HMGN5: variants seen among roughly 807,000 people sequenced by gnomAD.
The protein encoded by HMGN5 is high mobility group nucleosome binding domain 5.
A neutral mutation model predicts 9.5 loss-of-function variants in HMGN5; 4 were observed. The ratio of observed to expected loss-of-function variants is 0.42; its 90% confidence interval spans 0.21 to 0.96. HMGN5 has a LOEUF of 0.96. Ranked by LOEUF, HMGN5 falls within the 40% of genes least tolerant of loss-of-function variation. The pLI is 0.30. For missense variants in HMGN5, 192 were observed against 187.5 expected (o/e 1.02, Z -0.14); for synonymous variants, 55 against 57.1 (o/e 0.96, Z 0.16).
At chrX:81,141,246 G>A (rs764756476) in intron 1 of HMGN5, among the ~76,000 whole-genome samples, 22 of 111,886 alleles carry the variant, frequency 2.0e-4, no homozygotes, top group Non-Finnish European at 3.4e-4. Flanking sequence ...TCTTCACCCT[G>A]CAGGGAAGGA....
rs758173306 is a variant in HMGN5 at position 81,196,843 on chromosome X, C to T, written c.-124+4894G>A. On this transcript the variant is annotated intron_variant, in intron 1 of 6. Transcript: ENST00000358130. The stretch of plus-strand genomic sequence containing the variant: ...GCGTGAGCCACTGTGCCCAGCTGAT[C>T]TCATGGTTTTATAAGGAGCTCTTCC... Among the ~76,000 whole-genome samples the T allele has an allele frequency of 2.7e-5, 3 of 111,073 alleles. No individual in the cohort carries two copies. The South Asian group carries it at 1.1e-3, about 43-fold the overall frequency.
At chrX:81,150,292 G>A (rs759712125) in intron 1 of HMGN5, among the ~76,000 whole-genome samples, 8 of 111,879 alleles carry the variant, frequency 7.2e-5, no homozygotes, top group South Asian at 3.7e-4. Flanking sequence ...TGCTGGGTGC[G>A]GTGGCTCACA....
At chrX:81,177,713 C>A (rs1250931693) in intron 1 of HMGN5, among the ~76,000 whole-genome samples, 1 of 111,118 alleles carries the variant, frequency 9.0e-6, no homozygotes, top group Non-Finnish European at 1.9e-5. Context: ...ACCAAGCAGA[C>A]CTAATAGACA....
At chrX:81,151,720 G>A (rs28821207) in intron 1 of HMGN5, among the ~76,000 whole-genome samples, 42,475 of 109,047 alleles carry the variant, frequency 0.39, 8,129 homozygotes, top group Non-Finnish European at 0.57. Context: ...ATTGTGAATG[G>A]GAGTTCACTC....
intron 1 of HMGN5, among the ~76,000 whole-genome samples, chrX:81,189,842 C>T (rs753659684): frequency 1.8e-5 from 2 of 112,142 alleles, no homozygotes; most frequent in Admixed American, 9.4e-5. Context: ...TTTGCATTTC[C>T]ACCAGCAATG....
At chrX:81,143,404 T>C (rs753951229) in intron 1 of HMGN5, among the ~76,000 whole-genome samples, 15 of 112,387 alleles carry the variant, frequency 1.3e-4, no homozygotes, top group Admixed American at 1.3e-3. Context: ...GGAACAGCTC[T>C]TGTCTGCAGT....
chrX:81,159,229 A>G (rs549541870), intron 1 of HMGN5, among the ~76,000 whole-genome samples: 11 of 110,271 alleles, frequency 1.0e-4, no homozygotes, highest in African/African-American at 3.6e-4. Flanking sequence ...ACTGGGGCCT[A>G]TTGGGGGATA....
intron 1 of HMGN5, among the ~76,000 whole-genome samples, chrX:81,182,354 G>T (rs186184860): frequency 4.3e-4 from 48 of 111,964 alleles, no homozygotes; most frequent in African/African-American, 1.6e-3. Flanking sequence ...TAAATTCCTT[G>T]TCAGATGGTG....
intron 1 of HMGN5, among the ~76,000 whole-genome samples, chrX:81,152,815 A>C (rs1423389559): frequency 2.7e-5 from 3 of 109,479 alleles, no homozygotes; most frequent in Non-Finnish European, 5.7e-5. Flanking sequence ...CTATGCAGCC[A>C]TAAAAAATGA....
intron 1 of HMGN5, among the ~76,000 whole-genome samples, chrX:81,137,200 T>C (rs757244788): frequency 3.6e-5 from 4 of 111,155 alleles, no homozygotes; most frequent in Non-Finnish European, 7.6e-5. Context: ...ATCAAAGATA[T>C]AAAGGAGCTG....
intron 1 of HMGN5, among the ~76,000 whole-genome samples, chrX:81,199,972 T>C (rs2075520626): frequency 8.9e-6 from 1 of 111,940 alleles, no homozygotes; most frequent in Non-Finnish European, 1.9e-5. Context: ...TTTTGCAATC[T>C]ACTCATCTGA....
intron 1 of HMGN5, among the ~76,000 whole-genome samples, chrX:81,189,437 A>G (rs1221857494): frequency 8.9e-6 from 1 of 112,091 alleles, no homozygotes; most frequent in Non-Finnish European, 1.9e-5. Context: ...TACTGTATCC[A>G]TAGTTTTGCC....
At chrX:81,147,230 C>T (rs1206115726) in intron 1 of HMGN5, among the ~76,000 whole-genome samples, 14 of 111,581 alleles carry the variant, frequency 1.3e-4, no homozygotes, top group African/African-American at 4.2e-4. Flanking sequence ...TAGTGAACAT[C>T]AATGCAAAAA....
chrX:81,196,472 T>C (rs2075508489), intron 1 of HMGN5, among the ~76,000 whole-genome samples: 1 of 110,064 alleles, frequency 9.1e-6, no homozygotes, highest in South Asian at 4.0e-4. Context: ...ATCATGGGGG[T>C]GGTTTCCCCC....
At position 81,149,302 on chromosome X, in the gene HMGN5, A is replaced by C. The variant is rs142332195; in HGVS notation, c.-123-27630T>G. On this transcript the variant is annotated intron_variant, in intron 1 of 6. Transcript: ENST00000358130. ...ACCATGGAATTCTATGCAGCCATAA[A>C]AAAGGATGAGTTCATGTCCTTTGCA... Among the ~76,000 whole-genome samples, 144 of 111,891 alleles carry C rather than the reference A, an allele frequency of 1.3e-3. 3 individuals carry two copies. In the East Asian group the frequency reaches 0.039, roughly 30 times the overall value.
At chrX:81,150,418 A>T (rs2147561460) in intron 1 of HMGN5, among the ~76,000 whole-genome samples, 1 of 110,648 alleles carries the variant, frequency 9.0e-6, no homozygotes, top group African/African-American at 3.3e-5. Context: ...ACAAAAAATT[A>T]GCTGGGCATG....
chrX:81,186,315 G>C (rs1011195761), intron 1 of HMGN5, among the ~76,000 whole-genome samples: 4 of 111,572 alleles, frequency 3.6e-5, no homozygotes, highest in Non-Finnish European at 5.7e-5. Context: ...TCCAGGTTTT[G>C]GATTTATCCA....
In HMGN5 at chrX:81,122,967, A is replaced by T. The variant is rs990405900; in HGVS notation, c.-123-1295T>A. On this transcript the variant is annotated intron_variant, in intron 1 of 6. Transcript: ENST00000358130. ...TACCTGTGTATAAAAGTGCTCCCAA[A>T]CAACAACCCAAATCCTTATCCTGGA... Among the ~76,000 whole-genome samples the T allele has an allele frequency of 2.7e-5, 3 of 111,664 alleles. No homozygotes were observed. The Admixed American group carries it at 2.9e-4, about 11-fold the overall frequency.
chrX:81,145,173 G>A (rs1391217779), intron 1 of HMGN5, among the ~76,000 whole-genome samples: 3 of 111,500 alleles, frequency 2.7e-5, no homozygotes, highest in African/African-American at 6.5e-5. Context: ...TCCTCAAGAA[G>A]AGCAACCCCA....
Sources: gnomAD v4.1 joint callset for allele counts (sites outside exome capture counted in the v4.1 genomes callset) on GRCh38, gnomAD v4.1.1 for gene constraint, MANE v1.5 for transcripts, NCBI Gene and HGNC (gene_info 2026-07-23, HGNC 2026-07-21) for gene names.